The following TBCEL variants were observed in gnomAD, a reference collection of about 807,000 sequenced individuals.
TBCEL encodes tubulin folding cofactor E like.
Under a neutral mutation model 44.2 loss-of-function variants are expected in TBCEL, and 15 were observed. That is an observed-to-expected ratio of 0.34 (90% CI 0.23 to 0.52). The LOEUF is 0.52. Ranked by LOEUF, TBCEL falls within the 20% of genes least tolerant of loss-of-function variation. The pLI, the probability that TBCEL is intolerant of heterozygous loss-of-function variation, is 0.95. For synonymous variants in TBCEL, 171 were observed against 185.4 expected (o/e 0.92, Z 0.63); for missense variants, 319 against 506.3 (o/e 0.63, Z 3.55).
chr11:121,036,586 A>G lies in TBCEL; in HGVS notation c.-44A>G, dbSNP rs1431453874. On this transcript the variant is annotated 5_prime_UTR_variant, in exon 2 of 9. Transcript: ENST00000683345. ...GGAGAGGCTATGGAAATGAAGAAAGAAGTGTTTAGAAATATCACACAAACA... is the reference window on the plus strand; with the variant it reads ...GGAGAGGCTATGGAAATGAAGAAAGGAGTGTTTAGAAATATCACACAAACA... 1.3e-5 allele frequency: 2 copies of G among 152,228 alleles called. No individual in the cohort carries two copies. Among genetic ancestry groups the G allele is most frequent in the Non-Finnish European group, 2.9e-5 (2 of 68,040 alleles). The allele number at this position is 152,228 out of a possible 1,614,324, so 9.4% of individuals were successfully genotyped here.
chr11:121,045,848 C>A, intron 3 of TBCEL, 25 bp downstream of exon 3: 1 of 1,543,634 alleles, frequency 6.5e-7, no homozygotes, highest in South Asian at 1.3e-5. Flanking sequence ...ACCTAAAACA[C>A]TTATTTAGTG....
Position 121,045,792 on chromosome 11 carries a change from C to A in TBCEL, c.102C>A (p.Val34=). 1 of 1,609,912 alleles carries A rather than the reference C, an allele frequency of 6.2e-7. No individual in the cohort carries two copies. The highest frequency in any genetic ancestry group is 8.5e-7 in the Non-Finnish European group (1 of 1,178,594). The change falls in exon 3 of 9, where the codon GTC becomes GTA. Residue 34 remains valine (V), a synonymous_variant. Coordinates refer to ENST00000683345, the MANE Select transcript of TBCEL (RefSeq NM_001363644.2). Reference sequence around the variant, plus strand: ...GTGGCCCGGGGATGGGAGTCCATGTCCCAGCCACACCTCAGGGCTCTCCTA... The same window carrying A: ...GTGGCCCGGGGATGGGAGTCCATGTACCAGCCACACCTCAGGGCTCTCCTA... ...YRRGPGMGVH[V]PATPQGSPMK...
intron 2 of TBCEL, among the ~76,000 whole-genome samples, chr11:121,041,618 ACCCT>A (rs1425890747): frequency 6.6e-6 from 1 of 151,862 alleles, no homozygotes; most frequent in Non-Finnish European, 1.5e-5. Flanking sequence ...GTCATAGATT[ACCCT>A]CCCACCCCCC....
chr11:121,076,426 C>T (rs1164901088), intron 8 of TBCEL, among the ~76,000 whole-genome samples: 4 of 151,870 alleles, frequency 2.6e-5, no homozygotes, highest in Non-Finnish European at 5.9e-5. Context: ...TTTCATGTAT[C>T]TTGGCCCTGT....
intron 8 of TBCEL, among the ~76,000 whole-genome samples, chr11:121,066,744 ATC>A (rs1945828345): frequency 1.3e-5 from 2 of 152,342 alleles, no homozygotes; most frequent in Non-Finnish European, 2.9e-5. Context: ...TATTATACTT[ATC>A]TCTTTCTCTT....
intron 5 of TBCEL, among the ~76,000 whole-genome samples, chr11:121,053,990 A>G (rs1945574140): frequency 1.3e-5 from 2 of 151,908 alleles, no homozygotes; most frequent in Admixed American, 1.3e-4. Flanking sequence ...AGAAGCACTT[A>G]TCACTCTAAA....
chr11:121,072,121 G>A (rs1176983204), intron 8 of TBCEL, among the ~76,000 whole-genome samples: 1 of 152,078 alleles, frequency 6.6e-6, no homozygotes, highest in African/African-American at 2.4e-5. Flanking sequence ...CAGTTACCTT[G>A]GACTTTATTT....
Position 121,058,439 on chromosome 11 carries a change from C to T in TBCEL, c.807C>T (p.Thr269=), listed in dbSNP as rs1376848935. 6 of 1,611,698 alleles carry T rather than the reference C, an allele frequency of 3.7e-6. No homozygotes were observed. The highest frequency in any genetic ancestry group is 5.1e-6 in the Non-Finnish European group (6 of 1,178,280). ...LLGIPLLQPY[T]TEERRKLVIA... ...GAATTCCTCTTCTGCAGCCATATAC[C>T]ACCGAGGAGCGAAGGAAATTGGTAA... The change falls in exon 7 of 9, where the codon ACC becomes ACT. Residue 269 remains threonine, a synonymous_variant. Coordinates refer to ENST00000683345, the MANE Select transcript of TBCEL (RefSeq NM_001363644.2).
intron 8 of TBCEL, among the ~76,000 whole-genome samples, chr11:121,069,332 G>A (rs1945881728): frequency 6.6e-6 from 1 of 152,186 alleles, no homozygotes; most frequent in South Asian, 2.1e-4. Context: ...GGAGGACTTA[G>A]GTCTGCTGGA....
intron 8 of TBCEL, among the ~76,000 whole-genome samples, chr11:121,076,191 G>A (rs1342742309): frequency 6.6e-6 from 1 of 151,830 alleles, no homozygotes; most frequent in Non-Finnish European, 1.5e-5. Context: ...ATAAATATTA[G>A]GATATGCTTG....
chr11:121,053,921 C>G (rs756019218), intron 5 of TBCEL, among the ~76,000 whole-genome samples, 189 bp downstream of exon 5: 2 of 151,712 alleles, frequency 1.3e-5, no homozygotes, highest in Admixed American at 6.6e-5. Context: ...AATACATGTT[C>G]AGTGTTGAGT....
chr11:121,060,327 A>G (rs1205485063), intron 8 of TBCEL, among the ~76,000 whole-genome samples: 2 of 151,942 alleles, frequency 1.3e-5, no homozygotes, highest in Admixed American at 6.6e-5. Context: ...AGTATTTGAC[A>G]ATTCCAGTAG....
chr11:121,055,247 G>A lies in TBCEL; in HGVS notation c.651G>A (p.Glu217=). ...LANNHLNAIE[E]PDDSLARLFP... ...ACAATCATTTGAATGCTATTGAGGA[G>A]CCTGATGATTCATTGGCCAGGTTGT... The change falls in exon 6 of 9, where the codon GAG becomes GAA. Residue 217 remains glutamate, a synonymous_variant. Coordinates refer to ENST00000683345, the MANE Select transcript of TBCEL (RefSeq NM_001363644.2). 1.2e-6 allele frequency: 2 copies of A among 1,611,718 alleles called. No homozygotes were observed. Among genetic ancestry groups the A allele is most frequent in the South Asian group, 2.2e-5 (2 of 90,846 alleles).
chr11:121,083,433 A>G (rs1399170756), intron 8 of TBCEL, among the ~76,000 whole-genome samples: 1 of 152,226 alleles, frequency 6.6e-6, no homozygotes, highest in Non-Finnish European at 1.5e-5. Flanking sequence ...AAAGACTAGA[A>G]GAGAACACAG....
intron 8 of TBCEL, among the ~76,000 whole-genome samples, chr11:121,077,770 T>C (rs1455008401): frequency 2.0e-5 from 3 of 152,082 alleles, no homozygotes; most frequent in Non-Finnish European, 2.9e-5. Flanking sequence ...AGTGCTGCTT[T>C]AAATACATTC....
intron 2 of TBCEL, among the ~76,000 whole-genome samples, chr11:121,041,296 A>C (rs950049053): frequency 6.6e-6 from 1 of 152,162 alleles, no homozygotes; most frequent in Admixed American, 6.5e-5. Context: ...TACTAAGGTG[A>C]CTGGATGTTC....
chr11:121,029,987 C>T (rs1374049835), intron 1 of TBCEL, among the ~76,000 whole-genome samples: 3 of 152,118 alleles, frequency 2.0e-5, no homozygotes, highest in Admixed American at 6.5e-5. Context: ...ACTGAACTAA[C>T]GGATTATGAT....
intron 2 of TBCEL, among the ~76,000 whole-genome samples, chr11:121,041,046 G>T (rs970002486): frequency 6.6e-6 from 1 of 152,124 alleles, no homozygotes; most frequent in Non-Finnish European, 1.5e-5. Context: ...AGTGAGGCTG[G>T]CAGTGTTCAT....
chr11:121,057,002 A>T (rs907728146), intron 6 of TBCEL, among the ~76,000 whole-genome samples: 3 of 151,892 alleles, frequency 2.0e-5, no homozygotes, highest in Admixed American at 1.3e-4. Context: ...AATAACTCTA[A>T]CCTACAACTG....
Sources: allele counts gnomAD v4.1 joint callset (sites outside exome capture counted in the v4.1 genomes callset), GRCh38; gene constraint gnomAD v4.1.1; transcripts MANE v1.5; gene names NCBI Gene and HGNC (gene_info 2026-07-23, HGNC 2026-07-21).